Variants in UGT1A6 observed in about 807,000 individuals in gnomAD.
UGT1A6 encodes UDP glucuronosyltransferase family 1 member A6, also known as UDP-glucuronosyltransferase 1A6.
In UGT1A6, 32 loss-of-function variants were observed where a neutral mutation model predicts 44.4. The observed-to-expected ratio is 0.72, with a 90% CI of 0.54 to 0.97. The LOEUF (loss-of-function observed/expected upper bound fraction) is 0.97, where lower values mean the gene tolerates loss of function less well. Ranked by LOEUF, UGT1A6 falls within the 50% of genes least tolerant of loss-of-function variation. The probability of loss-of-function intolerance (pLI) is 0.00; values close to 1 mark genes in which losing one functional copy is unlikely to be tolerated. For missense variants in UGT1A6, 685 were observed against 661.9 expected (o/e 1.03, Z -0.38); for synonymous variants, 238 against 248.5 (o/e 0.96, Z 0.40).
At chr2:233,729,661 G>T in intron 1 of UGT1A6, 1 of 1,613,902 alleles carries the variant, frequency 6.2e-7, no homozygotes, top group Non-Finnish European at 8.5e-7. Flanking sequence ...CATTCCATGT[G>T]ATTTAGACTT....
intron 1 of UGT1A6, among the ~76,000 whole-genome samples, chr2:233,725,937 A>T (rs911094598): frequency 6.6e-6 from 1 of 152,148 alleles, no homozygotes; most frequent in Non-Finnish European, 1.5e-5. Context: ...AGACTGATGC[A>T]GGAGGATTGT....
intron 1 of UGT1A6, among the ~76,000 whole-genome samples, chr2:233,757,478 C>G (rs1489873843): frequency 4.1e-5 from 6 of 146,266 alleles, no homozygotes; most frequent in Non-Finnish European, 1.5e-5. Flanking sequence ...TCTCCAAAAC[C>G]ATGGACTGGC....
intron 1 of UGT1A6, chr2:233,753,714 C>T (rs1422893106): frequency 1.3e-5 from 2 of 152,222 alleles, no homozygotes; most frequent in Non-Finnish European, 2.9e-5. Flanking sequence ...TTTCATCAAC[C>T]TAATTTGATA....
intron 1 of UGT1A6, among the ~76,000 whole-genome samples, chr2:233,703,968 G>A (rs1458834723): frequency 2.6e-5 from 4 of 151,690 alleles, no homozygotes; most frequent in Non-Finnish European, 2.9e-5. Context: ...TTGGCCCACT[G>A]CAACCTCCGC....
At chr2:233,719,666 C>CA in intron 1 of UGT1A6, 22 of 1,614,092 alleles carry the variant, frequency 1.4e-5, no homozygotes, top group Non-Finnish European at 1.9e-5. Context: ...TCAACTGTGC[C>CA]AACGGGAAGC....
chr2:233,772,147 T>C, intron 4 of UGT1A6, 115 bp from the exon 5 acceptor site: 1 of 1,552,928 alleles, frequency 6.4e-7, no homozygotes, highest in East Asian at 2.4e-5. Flanking sequence ...TAGAAACAGG[T>C]TTCCTTTCCC....
intron 1 of UGT1A6, chr2:233,747,623 G>T: frequency 6.3e-7 from 1 of 1,577,752 alleles, no homozygotes; most frequent in Admixed American, 1.7e-5. Context: ...ATGAGGCCCT[G>T]ATCAGGCACC....
At chr2:233,708,644 G>C (rs970833084) in intron 1 of UGT1A6, 1 of 152,176 alleles carries the variant, frequency 6.6e-6, no homozygotes, top group Non-Finnish European at 1.5e-5. Flanking sequence ...CTAACTACTC[G>C]GAAGGCTGAG....
intron 1 of UGT1A6, among the ~76,000 whole-genome samples, chr2:233,706,537 CT>C (rs968038091): frequency 9.9e-5 from 15 of 152,128 alleles, no homozygotes; most frequent in Non-Finnish European, 2.1e-4. Flanking sequence ...AGAAACACAG[CT>C]TTTTTTCTAG....
intron 1 of UGT1A6, chr2:233,721,895 C>A: frequency 2.1e-6 from 1 of 474,970 alleles, no homozygotes; most frequent in Non-Finnish European, 4.2e-6. Context: ...ATTGCAATAT[C>A]GAAATGGTGC....
intron 1 of UGT1A6, among the ~76,000 whole-genome samples, chr2:233,756,708 C>T (rs1399163610): frequency 6.6e-6 from 1 of 151,990 alleles, no homozygotes; most frequent in Admixed American, 6.6e-5. Flanking sequence ...TTTGGGGGGA[C>T]TTTTTTTGAG....
At chr2:233,741,248 A>G (rs997599929) in intron 1 of UGT1A6, among the ~76,000 whole-genome samples, 1 of 152,014 alleles carries the variant, frequency 6.6e-6, no homozygotes, top group East Asian at 1.9e-4. Context: ...TGACACTGGT[A>G]TGCCACTCTT....
intron 1 of UGT1A6, among the ~76,000 whole-genome samples, chr2:233,708,924 G>A (rs907021830): frequency 1.3e-5 from 2 of 152,096 alleles, no homozygotes; most frequent in African/African-American, 4.8e-5. Context: ...TTGCTACAGA[G>A]CCAAACTATG....
chr2:233,735,091 A>T (rs4477910), intron 1 of UGT1A6, among the ~76,000 whole-genome samples: 69,276 of 151,834 alleles, frequency 0.46, 17,201 homozygotes, highest in African/African-American at 0.66. Context: ...GTCTTGTTGA[A>T]CTGTCTAATA....
chr2:233,705,478 A>G (rs1475008681), intron 1 of UGT1A6, among the ~76,000 whole-genome samples: 1 of 152,162 alleles, frequency 6.6e-6, no homozygotes, highest in East Asian at 1.9e-4. Context: ...CATGAGGCAA[A>G]TTTAATGATA....
intron 1 of UGT1A6, among the ~76,000 whole-genome samples, chr2:233,748,545 C>G (rs949815258): frequency 1.3e-5 from 2 of 151,744 alleles, no homozygotes; most frequent in African/African-American, 4.9e-5. Context: ...CACAGGAGAC[C>G]TAAGCACTCG....
intron 1 of UGT1A6, chr2:233,747,895 C>T: frequency 6.2e-7 from 1 of 1,613,566 alleles, no homozygotes; most frequent in Non-Finnish European, 8.5e-7. Context: ...CATGCTCTTT[C>T]TGCTCCTTAT....
chr2:233,733,255 C>T (rs2078373056), intron 1 of UGT1A6, among the ~76,000 whole-genome samples: 1 of 152,174 alleles, frequency 6.6e-6, no homozygotes, highest in African/African-American at 2.4e-5. Context: ...CATCTGCAAA[C>T]AGGGACTATT....
intron 1 of UGT1A6, among the ~76,000 whole-genome samples, chr2:233,697,135 A>C (rs899177042): frequency 2.0e-5 from 3 of 152,062 alleles, no homozygotes; most frequent in African/African-American, 7.2e-5. Context: ...TTTTTCTGTA[A>C]TAGTTTGAGT....
Sources: allele counts gnomAD v4.1 joint callset (sites outside exome capture counted in the v4.1 genomes callset), GRCh38; gene constraint gnomAD v4.1.1; transcripts MANE v1.5; gene names NCBI Gene and HGNC (gene_info 2026-07-23, HGNC 2026-07-21).